The following MGAT5 variants were observed in gnomAD, a reference collection of about 807,000 sequenced individuals.
MGAT5 encodes the protein alpha-1,6-mannosylglycoprotein 6-beta-N-acetylglucosaminyltransferase.
MGAT5 carries 30 observed loss-of-function variants against 94.3 expected under a neutral mutation model. The observed-to-expected ratio is 0.32, with a 90% confidence interval of 0.24 to 0.43. The LOEUF (loss-of-function observed/expected upper bound fraction) is 0.43. Among genes scored for constraint, MGAT5 ranks in the 20% least tolerant of loss-of-function variants. The pLI is 1.00. For synonymous variants in MGAT5, 310 were observed against 322.9 expected, an observed-to-expected ratio of 0.96 and a Z score of 0.43; for missense variants, 691 against 905.5, an observed-to-expected ratio of 0.76 and a Z score of 3.04.
At chr2:134,230,378 G>T (rs1162647245) in intron 1 of MGAT5, among the ~76,000 whole-genome samples, 6 of 152,184 alleles carry the variant, frequency 3.9e-5, no homozygotes, top group African/African-American at 9.6e-5. Flanking sequence ...CTGCCTGGGG[G>T]TTGGGGACCC....
At position 134,182,646 on chromosome 2, in the gene MGAT5, G is replaced by A. The variant is rs528031285; in HGVS notation, c.-143+62355G>A. On this transcript the variant is annotated intron_variant, in intron 1 of 16. Transcript: ENST00000409645. The stretch of plus-strand genomic sequence containing the variant: ...AGCCCTGGAAGCTCCTCGTGTTCCC[G>A]TTTCCGGTCACTGTCACCGCCACCC... 1.6e-4 allele frequency among the ~76,000 whole-genome samples: 25 copies of A among 152,204 alleles called. 1 individual carries two copies. Among genetic ancestry groups the A allele is most frequent in the Non-Finnish European group, 5.9e-5 (4 of 68,000 alleles).
chr2:134,439,457 G>A (rs1685352493), intron 14 of MGAT5, among the ~76,000 whole-genome samples: 2 of 152,196 alleles, frequency 1.3e-5, no homozygotes, highest in South Asian at 2.1e-4. Flanking sequence ...GGCACTTTGG[G>A]AGGTTGAGGT....
At chr2:134,425,446 T>C (rs1255679431) in intron 13 of MGAT5, among the ~76,000 whole-genome samples, 1 of 152,098 alleles carries the variant, frequency 6.6e-6, no homozygotes, top group East Asian at 1.9e-4. Context: ...TTTCTTTCTT[T>C]TTAAGTGTTG....
intron 1 of MGAT5, among the ~76,000 whole-genome samples, chr2:134,168,652 T>G (rs1295742495): frequency 6.6e-6 from 1 of 152,214 alleles, no homozygotes; most frequent in Non-Finnish European, 1.5e-5. Context: ...CAAGGAAGAT[T>G]GAAAGACTTA....
chr2:134,189,603 T>TTTTGTTTTG (rs532822759), intron 1 of MGAT5, among the ~76,000 whole-genome samples: 46 of 57,540 alleles, frequency 8.0e-4, no homozygotes, highest in African/African-American at 4.8e-3. Flanking sequence ...TTTTTTTTTG[T>TTTTGTTTTG]TTTTTTTTTT....
chr2:134,369,727 TTGTGTGTGTG>T lies in MGAT5; in HGVS notation c.1380+7340_1380+7349del, dbSNP rs10526028. Among the ~76,000 whole-genome samples the T allele has an allele frequency of 2.1e-4, 30 of 142,286 alleles. No homozygotes were observed. The East Asian group carries it at 5.9e-3, about 28-fold the overall frequency. 93.3% of individuals were successfully genotyped at this position (142,286 alleles called of 152,430 possible). A position where few individuals can be genotyped will look rare whatever the true frequency, so the allele number is the denominator to read the frequency against. On this transcript the variant is annotated intron_variant, in intron 10 of 15. Transcript: ENST00000281923. ...TGGTGATAGCTTTATGGTTTTTACA[TTGTGTGTGTG>T]TGTGTGTGTGTGTGTGTGTGAATGA...
chr2:134,288,509 GC>G lies in MGAT5; in HGVS notation c.406+17960del, dbSNP rs577220809. ...GCAAATCTAGAATATTTACCATCTA[GC>G]TCTTTAAAAAAAAAAAAAAAATTCA... On this transcript the variant is annotated intron_variant, in intron 2 of 15. Coordinates refer to ENST00000281923, the MANE Select transcript of MGAT5 (RefSeq NM_002410.5). Among the ~76,000 whole-genome samples the G allele has an allele frequency of 3.4e-3, 504 of 149,632 alleles. 7 individuals carry two copies. The highest frequency in any genetic ancestry group is 0.01 in the Middle Eastern group (3 of 288).
chr2:134,427,801 A>G (rs1416337445), intron 13 of MGAT5, among the ~76,000 whole-genome samples: 1 of 152,186 alleles, frequency 6.6e-6, no homozygotes, highest in African/African-American at 2.4e-5. Context: ...TTATTTTTAC[A>G]CCGTGAGTTC....
chr2:134,368,341 G>C (rs973305149), intron 10 of MGAT5, among the ~76,000 whole-genome samples: 1 of 152,234 alleles, frequency 6.6e-6, no homozygotes, highest in African/African-American at 2.4e-5. Context: ...GAGTAAATAA[G>C]CCTGATATGA....
upstream of MGAT5, among the ~76,000 whole-genome samples, chr2:134,250,805 C>G (rs1682545094): frequency 6.6e-6 from 1 of 152,156 alleles, no homozygotes; most frequent in African/African-American, 2.4e-5. Context: ...TTGCATGTCT[C>G]TGAACTGGGA....
At chr2:134,363,182 C>G (rs1018661974) in intron 10 of MGAT5, among the ~76,000 whole-genome samples, 1 of 152,164 alleles carries the variant, frequency 6.6e-6, no homozygotes, top group African/African-American at 2.4e-5. Flanking sequence ...TCACAACATG[C>G]CTCTTCCTAA....
rs113582076 is a variant in MGAT5 at position 134,189,592 on chromosome 2, G to GTTTTTTTTTTTTTTTTTT, written c.-142-64661_-142-64660insTTTTTTTTTTTTTTTTTT. 3.2e-3 allele frequency among the ~76,000 whole-genome samples: 178 copies of GTTTTTTTTTTTTTTTTTT among 56,232 alleles called. 9 individuals carry two copies. The highest frequency in any genetic ancestry group is 6.8e-3 in the African/African-American group (109 of 16,076). 36.9% of individuals were successfully genotyped at this position (56,232 alleles called of 152,430 possible). On this transcript the variant is annotated intron_variant, in intron 1 of 16. Coordinates refer to the MGAT5 transcript ENST00000409645. ...ACATATGACTAACCTCATGGCTCTAGTTTTTTTTTGTTTTTTTTTTTTTTT... is the reference window on the plus strand; with the variant it reads ...ACATATGACTAACCTCATGGCTCTAGTTTTTTTTTTTTTTTTTTTTTTTTTTTGTTTTTTTTTTTTTTT...
At chr2:134,151,193 C>T (rs149242042) in intron 1 of MGAT5, among the ~76,000 whole-genome samples, 6,930 of 150,672 alleles carry the variant, frequency 0.046, 337 homozygotes, top group African/African-American at 0.14. Flanking sequence ...TGGGACCTCA[C>T]TCACGCCCTA....
Position 134,318,668 on chromosome 2 carries a change from C to T in MGAT5, c.502C>T (p.Arg168Cys). The change falls in exon 4 of 16, where the codon CGT becomes TGT. Residue 168 changes from arginine (R) to cysteine (C), a missense_variant. Physicochemically the swap from Arg to Cys is radical, Grantham distance 180 (BLOSUM62 -3). This residue lies in a region of MGAT5 where 307 missense variants were observed against 335.4 expected (regional missense o/e 0.92). Transcript: ENST00000281923. ...GTTTCAGTGGATGAAAGACATGTGGCGTTCAGATCCCTGCTACGCAGACTA... is the reference window on the plus strand; with the variant it reads ...GTTTCAGTGGATGAAAGACATGTGGTGTTCAGATCCCTGCTACGCAGACTA... Reference protein sequence around the residue: ...GKIKWMKDMWRSDPCYADYGV... With the variant: ...GKIKWMKDMWCSDPCYADYGV... 6.2e-7 allele frequency: 1 copy of T among 1,613,194 alleles called. No homozygotes were observed. Among genetic ancestry groups the T allele is most frequent in the Non-Finnish European group, 8.5e-7 (1 of 1,179,274 alleles).
intron 2 of MGAT5, among the ~76,000 whole-genome samples, chr2:134,272,670 C>T (rs1469870054): frequency 2.0e-5 from 3 of 152,170 alleles, no homozygotes; most frequent in Admixed American, 2.0e-4. Flanking sequence ...CATGATTTTA[C>T]TTAATCTTCT....
At chr2:134,283,016 T>G (rs1212567512) in intron 2 of MGAT5, among the ~76,000 whole-genome samples, 1 of 151,202 alleles carries the variant, frequency 6.6e-6, no homozygotes, top group Admixed American at 6.6e-5. Context: ...GACCCTTTAC[T>G]GTATCATCTG....
rs1207503077 is a variant in MGAT5, at chr2:134,381,459, T to TGGTA, written c.1380+19069_1380+19072dup. Among the ~76,000 whole-genome samples the TGGTA allele has an allele frequency of 1.7e-4, 25 of 150,518 alleles. No individual in the cohort carries two copies. The East Asian group carries it at 2.0e-3, about 12-fold the overall frequency. The stretch of plus-strand genomic sequence containing the variant: ...CCTGGGCAACATAGCAAGACCTGTC[T>TGGTA]GGTAGGTAGGTAGGTAGGTAGAGAA... On this transcript the variant is annotated intron_variant, in intron 10 of 15. Transcript: ENST00000281923.
At chr2:134,444,704 C>A (rs754729302) in intron 15 of MGAT5, among the ~76,000 whole-genome samples, 1 of 152,200 alleles carries the variant, frequency 6.6e-6, no homozygotes, top group Non-Finnish European at 1.5e-5. Context: ...GTATCCATAG[C>A]GTTTAAGAAC....
chr2:134,208,296 G>A (rs986682116), intron 1 of MGAT5, among the ~76,000 whole-genome samples: 4 of 152,212 alleles, frequency 2.6e-5, no homozygotes, highest in Non-Finnish European at 5.9e-5. Flanking sequence ...CTAATTGACA[G>A]CATATAGCAG....
Sources: gnomAD v4.1 joint callset for allele counts (sites outside exome capture counted in the v4.1 genomes callset) on GRCh38, gnomAD v4.1.1 for gene constraint, gnomAD v4.1.1 regional missense constraint, MANE v1.5 for transcripts, NCBI Gene and HGNC (gene_info 2026-07-23, HGNC 2026-07-21) for gene names.